Variants in SPEN observed in about 807,000 individuals in gnomAD.
SPEN encodes the protein msx2-interacting protein.
A neutral mutation model predicts 269.9 loss-of-function variants in SPEN; 18 were observed. That is an observed-to-expected ratio of 0.07 (90% confidence interval 0.05 to 0.10). The LOEUF is 0.10. SPEN is among the 10% of genes least tolerant of loss of function. The pLI is 1.00. For synonymous variants in SPEN, 1,726 were observed against 1,765.7 expected (o/e 0.98, Z 0.56); for missense variants, 3,822 against 4,631.2 (o/e 0.83, Z 5.07).
At chr1:15,916,390 G>A (rs1276843788) in intron 6 of SPEN, 111 bp downstream of exon 6, 3 of 1,169,954 alleles carry the variant, frequency 2.6e-6, no homozygotes, top group African/African-American at 1.6e-5. Flanking sequence ...AATGAACATT[G>A]TTGTGTGCTT....
At chr1:15,918,508 G>A (rs943034217) in intron 6 of SPEN, among the ~76,000 whole-genome samples, 1 of 152,194 alleles carries the variant, frequency 6.6e-6, no homozygotes, top group Non-Finnish European at 1.5e-5. Flanking sequence ...CGTGAGCCAC[G>A]GTGCGCAGCC....
intron 3 of SPEN, among the ~76,000 whole-genome samples, chr1:15,901,165 C>T (rs1190971534): frequency 6.7e-6 from 1 of 148,424 alleles, no homozygotes; most frequent in Non-Finnish European, 1.5e-5. Context: ...CCAGCCTGGG[C>T]AACATAGTAA....
At chr1:15,859,527 G>A (rs919608948) in intron 1 of SPEN, among the ~76,000 whole-genome samples, 11 of 150,752 alleles carry the variant, frequency 7.3e-5, no homozygotes, top group East Asian at 2.0e-4. Flanking sequence ...CCGCCACCAC[G>A]CCCGGCTAAT....
rs550034711 is a variant in SPEN at position 15,872,796 on chromosome 1, G to A, written c.84-20G>A. The stretch of plus-strand genomic sequence containing the variant: ...AAAATTATTGATATGCAGCAATAAC[G>A]TTGACTTTATTTTTTCCAGATATGG... On this transcript the variant is annotated intron_variant, in intron 1 of 14. Transcript: ENST00000375759. 3 of 1,473,682 alleles carry A rather than the reference G, an allele frequency of 2.0e-6. No homozygotes were observed. Among genetic ancestry groups the A allele is most frequent in the East Asian group, 2.3e-5 (1 of 43,566 alleles). The allele number at this position is 1,473,682 out of a possible 1,614,324, so 91.3% of individuals were successfully genotyped here. A position where few individuals can be genotyped will look rare whatever the true frequency, so the allele number is the denominator to read the frequency against.
chr1:15,904,218 C>G (rs2070930168), intron 3 of SPEN, among the ~76,000 whole-genome samples: 1 of 152,034 alleles, frequency 6.6e-6, no homozygotes, highest in Non-Finnish European at 1.5e-5. Flanking sequence ...TGGCTTATGC[C>G]TGTAATCCCA....
At chr1:15,859,528 C>T (rs1216734489) in intron 1 of SPEN, among the ~76,000 whole-genome samples, 3 of 151,506 alleles carry the variant, frequency 2.0e-5, no homozygotes, top group Admixed American at 6.6e-5. Context: ...CGCCACCACG[C>T]CCGGCTAATT....
intron 3 of SPEN, among the ~76,000 whole-genome samples, chr1:15,906,695 C>T (rs959940957): frequency 3.9e-4 from 59 of 151,414 alleles, no homozygotes; most frequent in African/African-American, 1.3e-3. Context: ...AACTCCTGGC[C>T]GCAAGTGATT....
chr1:15,875,157 G>T (rs1235685007), intron 2 of SPEN, among the ~76,000 whole-genome samples: 1 of 152,088 alleles, frequency 6.6e-6, no homozygotes, highest in Non-Finnish European at 1.5e-5. Context: ...GAGAACTTAC[G>T]ATTTCTTTAT....
intron 1 of SPEN, among the ~76,000 whole-genome samples, chr1:15,857,712 G>A (rs2070401568): frequency 6.6e-6 from 1 of 151,720 alleles, no homozygotes; most frequent in Non-Finnish European, 1.5e-5. Flanking sequence ...CCAGGTTGGA[G>A]TGTAATGGCA....
At chr1:15,864,269 A>G (rs1052194206) in intron 1 of SPEN, among the ~76,000 whole-genome samples, 1 of 151,842 alleles carries the variant, frequency 6.6e-6, no homozygotes, top group South Asian at 2.1e-4. Flanking sequence ...CTTGGGTTCA[A>G]GTGATTCTCG....
At position 15,922,280 on chromosome 1, in the gene SPEN, C is replaced by G. The variant is rs201099972; in HGVS notation, c.1781C>G (p.Ala594Gly). 6.2e-7 allele frequency: 1 copy of G among 1,602,832 alleles called. No homozygotes were observed. Among genetic ancestry groups the G allele is most frequent in the African/African-American group, 1.3e-5 (1 of 74,224 alleles). ...TTTGCAAATCGGGAAAGTCAGCTGG[C>G]TTTTTATCACTGCATGGAGAAATCT... The part of the protein sequence containing the change: ...VDFANRESQL[A>G]FYHCMEKSGQ... The change falls in exon 10 of 15, where the codon GCT (alanine) becomes GGT (glycine). Residue 594 changes from alanine to glycine, a missense_variant. This residue lies in a region of SPEN where 230 missense variants were observed against 426.1 expected (regional missense o/e 0.54). Transcript: ENST00000375759.
At chr1:15,866,491 C>T (rs1364138631) in intron 1 of SPEN, among the ~76,000 whole-genome samples, 1 of 152,012 alleles carries the variant, frequency 6.6e-6, no homozygotes, top group Non-Finnish European at 1.5e-5. Flanking sequence ...GTAGCTGGGA[C>T]TACAGGCGCC....
rs1557750239 is a variant in SPEN at position 15,904,479 on chromosome 1, T to TAAAAAAAAAAA, written c.882-4842_882-4841insAAAAAAAAAAA. On this transcript the variant is annotated intron_variant, in intron 3 of 14. Transcript: ENST00000375759. Reference sequence around the variant, plus strand: ...AAAAAAAAAAAAAAAAAAAAAAAAGTGAACTAAAAACTTGTACCATTTTTA... The same window carrying TAAAAAAAAAAA: ...AAAAAAAAAAAAAAAAAAAAAAAAGTAAAAAAAAAAAGAACTAAAAACTTGTACCATTTTTA... 2.2e-4 allele frequency among the ~76,000 whole-genome samples: 18 copies of TAAAAAAAAAAA among 81,102 alleles called. 2 individuals are homozygous for TAAAAAAAAAAA. Among genetic ancestry groups the TAAAAAAAAAAA allele is most frequent in the East Asian group, 6.0e-4 (2 of 3,318 alleles). 53.2% of individuals were successfully genotyped at this position (81,102 alleles called of 152,430 possible). A position where few individuals can be genotyped will look rare whatever the true frequency, so the allele number is the denominator to read the frequency against.
intron 3 of SPEN, 45 bp from the exon 4 acceptor site, chr1:15,909,276 C>T (rs1447131804): frequency 6.4e-7 from 1 of 1,573,558 alleles, no homozygotes; most frequent in Admixed American, 2.0e-5. Flanking sequence ...TGCTCATTTT[C>T]TGTTTGTCTT....
intron 1 of SPEN, among the ~76,000 whole-genome samples, chr1:15,859,045 C>T (rs1353029956): frequency 6.6e-6 from 1 of 152,098 alleles, no homozygotes; most frequent in Non-Finnish European, 1.5e-5. Flanking sequence ...TTCTGCTAAC[C>T]AGCTATGTTC....
intron 4 of SPEN, among the ~76,000 whole-genome samples, chr1:15,909,819 T>G (rs2070995248): frequency 6.6e-6 from 1 of 152,102 alleles, no homozygotes; most frequent in Admixed American, 6.5e-5. Context: ...TTTCAGTGAT[T>G]GCTTAAATTA....
chr1:15,939,519 A>C lies in SPEN; in HGVS notation c.*92A>C. ...AGCCAAGCAGAGGAAGAAGCTGCCG[A>C]AGGGGACAGACTCCACTGCCAGACG... On this transcript the variant is annotated 3_prime_UTR_variant, in exon 15 of 15. Transcript: ENST00000375759. This position sits in a 1 kb window ranked among gnomAD's most constrained non-coding sequence, Gnocchi z 4.1. 1 of 1,420,274 alleles carries C rather than the reference A, an allele frequency of 7.0e-7. No individual in the cohort carries two copies. The allele number at this position is 1,420,274 out of a possible 1,614,324, so 88.0% of individuals were successfully genotyped here. A position where few individuals can be genotyped will look rare whatever the true frequency, so the allele number is the denominator to read the frequency against.
At position 15,933,560 on chromosome 1, in the gene SPEN, G is replaced by A. The variant is rs751274209; in HGVS notation, c.7320G>A (p.Val2440=). The change falls in exon 11 of 15, where the codon GTG becomes GTA. Residue 2440 remains valine (V), a synonymous_variant. Transcript: ENST00000375759. The surrounding 1 kb of genome is among the most constrained non-coding windows in gnomAD (Gnocchi z 5.7). ...CCCCACCTCCCCAGCCAGCACCGGT[G>A]GATGAGGAGCCTCAAGCCAGGTTCA... ...DLPPPPQPAP[V]DEEPQARFRV... is the part of the protein sequence containing the mutation. 6 of 1,613,864 alleles carry A rather than the reference G, an allele frequency of 3.7e-6. No individual in the cohort carries two copies. The highest frequency in any genetic ancestry group is 5.1e-6 in the Non-Finnish European group (6 of 1,179,944).
rs760134992 is a variant in SPEN, at chr1:15,930,255, C to T, written c.4015C>T (p.Arg1339Cys). 41 of 1,614,034 alleles carry T rather than the reference C, an allele frequency of 2.5e-5. No individual in the cohort carries two copies. The highest frequency in any genetic ancestry group is 4.4e-5 in the South Asian group (4 of 91,078). ...CTTGAATTCTGAAGATGAACTAAAT[C>T]GTTGGGACTCTCAGATGAAACAGGA... The part of the protein sequence containing the change: ...SVLNSEDELN[R>C]WDSQMKQDAG... Residue 1339 changes from arginine to cysteine, a missense_variant, in exon 11 of 15, where the codon CGT becomes TGT. Around this residue, in one of 16 missense-constraint regions of SPEN, gnomAD observed 267 missense variants for 315.5 expected, o/e 0.85. Transcript: ENST00000375759. This position sits in a 1 kb window ranked among gnomAD's most constrained non-coding sequence, Gnocchi z 5.3.
Sources: allele counts gnomAD v4.1 joint callset (sites outside exome capture counted in the v4.1 genomes callset), GRCh38; gene constraint gnomAD v4.1.1; regional missense constraint gnomAD v4.1.1; non-coding constraint Gnocchi (gnomAD v3.1); transcripts MANE v1.5; gene names NCBI Gene and HGNC (gene_info 2026-07-23, HGNC 2026-07-21).